TBXA2R: variants seen among roughly 807,000 people sequenced by gnomAD.
TBXA2R encodes prostanoid TP receptor.
Under a neutral mutation model 15.6 loss-of-function variants are expected in TBXA2R, and 15 were observed. That is an observed-to-expected ratio of 0.96 (90% confidence interval 0.64 to 1.48). The LOEUF is 1.48. Among genes scored for constraint, TBXA2R ranks in the 40% most tolerant of loss-of-function variants. TBXA2R has a pLI of 0.00. For missense variants in TBXA2R, 506 were observed against 491.4 expected (o/e 1.03, Z -0.28); for synonymous variants, 280 against 241.2 (o/e 1.16, Z -1.49).
Position 3,595,724 on chromosome 19 carries a change from G to C in TBXA2R, c.996C>G (p.Leu332=). ...RLSTRPRSLS[L]QPQLTQRSGL... ...CGGAGCGCTGCGTGAGCTGGGGCTG[G>C]AGGGACAGCGACCTGGGCCGGGTGC... is the stretch of plus-strand genomic sequence containing the variant. Residue 332 remains leucine, a synonymous_variant, in exon 3 of 3, where the codon CTC becomes CTG. Transcript: ENST00000375190. The C allele has an allele frequency of 6.2e-7, 1 of 1,600,022 alleles. No individual in the cohort carries two copies. The highest frequency in any genetic ancestry group is 8.5e-7 in the Non-Finnish European group (1 of 1,174,194).
At chr19:3,600,825 GGTTTT>G in intron 1 of TBXA2R, 108 bp from the exon 2 acceptor site, 2 of 453,194 alleles carry the variant, frequency 4.4e-6, no homozygotes, top group Admixed American at 4.0e-5. Flanking sequence ...TATCCTCTCC[GGTTTT>G]TTTTTTTTTT....
At chr19:3,598,862 G>T (rs1385397713) in intron 2 of TBXA2R, among the ~76,000 whole-genome samples, 1 of 151,966 alleles carries the variant, frequency 6.6e-6, no homozygotes, top group South Asian at 2.1e-4. Flanking sequence ...TAGAGACGGG[G>T]TTTCACCATG....
intron 1 of TBXA2R, among the ~76,000 whole-genome samples, chr19:3,605,961 G>C (rs1009691598): frequency 6.7e-6 from 1 of 150,258 alleles, no homozygotes; most frequent in Non-Finnish European, 1.5e-5. Flanking sequence ...GACACAGACA[G>C]AAAAACACAG....
At chr19:3,596,271 C>A (rs923786201) in intron 2 of TBXA2R, among the ~76,000 whole-genome samples, 2 of 152,136 alleles carry the variant, frequency 1.3e-5, no homozygotes, top group African/African-American at 4.8e-5. Flanking sequence ...CTCAGGTGAT[C>A]CACCAGCCTC....
chr19:3,603,686 G>A (rs558635214), intron 1 of TBXA2R, among the ~76,000 whole-genome samples: 49 of 152,296 alleles, frequency 3.2e-4, no homozygotes, highest in African/African-American at 1.0e-3. Flanking sequence ...TCACACCTCC[G>A]GTGGCTGGGA....
intron 1 of TBXA2R, among the ~76,000 whole-genome samples, chr19:3,604,203 G>T (rs993596039): frequency 6.6e-6 from 1 of 151,452 alleles, no homozygotes; most frequent in African/African-American, 2.4e-5. Context: ...GAATCTGCCT[G>T]GGTCCCGGGT....
rs372994525 is a variant in TBXA2R at position 3,599,983 on chromosome 19, T to C, written c.652A>G (p.Ser218Gly). 2 of 1,604,304 alleles carry C rather than the reference T, an allele frequency of 1.2e-6. No individual in the cohort carries two copies. Among genetic ancestry groups the C allele is most frequent in the East Asian group, 2.3e-5 (1 of 44,396 alleles). Residue 218 changes from serine (S) to glycine (G), a missense_variant, in exon 2 of 3, where the codon AGC becomes GGC. Transcript: ENST00000375190. ...TAGACGTGGCACAGGGTGGCCACGC[T>C]GACCGTGTTCAGCAGGAAGGACAGC... is the stretch of plus-strand genomic sequence containing the variant. ...VGLSFLLNTV[S>G]VATLCHVYHG...
chr19:3,595,293 C>G lies in TBXA2R; in HGVS notation c.*395G>C, dbSNP rs888478281. 13 of 1,166,030 alleles carry G rather than the reference C, an allele frequency of 1.1e-5. No individual in the cohort carries two copies. The highest frequency in any genetic ancestry group is 1.4e-5 in the Non-Finnish European group (13 of 896,964). 72.2% of individuals were successfully genotyped at this position (1,166,030 alleles called of 1,614,324 possible). A position where few individuals can be genotyped will look rare whatever the true frequency, so the allele number is the denominator to read the frequency against. ...ACTCAGGAGGCTGAGGCAGGAGAATCGCTTGAACCCGGGAGGTGGAGGTTG... is the reference window on the plus strand; with the variant it reads ...ACTCAGGAGGCTGAGGCAGGAGAATGGCTTGAACCCGGGAGGTGGAGGTTG... On this transcript the variant is annotated 3_prime_UTR_variant, in exon 3 of 3. Coordinates refer to ENST00000375190, the MANE Select transcript of TBXA2R (RefSeq NM_001060.6).
At chr19:3,604,067 G>A (rs538659594) in intron 1 of TBXA2R, among the ~76,000 whole-genome samples, 19 of 152,276 alleles carry the variant, frequency 1.2e-4, no homozygotes, top group East Asian at 5.8e-4. Context: ...TGCCCTCAGC[G>A]GGTTCAGGGT....
chr19:3,602,462 C>T (rs1252081523), intron 1 of TBXA2R, among the ~76,000 whole-genome samples: 1 of 150,462 alleles, frequency 6.6e-6, no homozygotes. Context: ...TACGGTCAGG[C>T]GTGGTGGCTC....
At chr19:3,604,825 C>T (rs1052786849) in intron 1 of TBXA2R, among the ~76,000 whole-genome samples, 2 of 152,132 alleles carry the variant, frequency 1.3e-5, no homozygotes, top group Non-Finnish European at 2.9e-5. Context: ...AGCAGGGAGC[C>T]CTGAGGCTCC....
At chr19:3,596,683 G>A (rs938839070) in intron 2 of TBXA2R, among the ~76,000 whole-genome samples, 8 of 148,848 alleles carry the variant, frequency 5.4e-5, no homozygotes, top group Non-Finnish European at 1.0e-4. Flanking sequence ...CTGGGTTTAC[G>A]CCATTCTCCT....
chr19:3,603,586 C>A lies in TBXA2R; in HGVS notation c.-83-2869G>T, dbSNP rs111496205. On this transcript the variant is annotated intron_variant, in intron 1 of 2. Transcript: ENST00000375190. ...CCTGCGGCCACTGACCCGACCTCTG[C>A]CTGGAGCAACTTCCAGTCCCTCCTG... Among the ~76,000 whole-genome samples the A allele has an allele frequency of 1.0e-3, 153 of 152,318 alleles. 1 individual carries two copies. Among genetic ancestry groups the A allele is most frequent in the African/African-American group, 3.6e-3 (150 of 41,558 alleles).
chr19:3,596,941 ATT>A (rs377397198), intron 2 of TBXA2R, among the ~76,000 whole-genome samples: 5 of 142,252 alleles, frequency 3.5e-5, no homozygotes, highest in African/African-American at 7.7e-5. Flanking sequence ...TTGATGGGAA[ATT>A]TTTTTTTTTT....
chr19:3,600,801 T>G, intron 1 of TBXA2R, 84 bp from the exon 2 acceptor site: 2 of 624,140 alleles, frequency 3.2e-6, no homozygotes, highest in Non-Finnish European at 5.5e-6. Context: ...CAACCTTCAA[T>G]GCCCCAGCTC....
intron 1 of TBXA2R, among the ~76,000 whole-genome samples, chr19:3,604,948 G>A (rs1026323322): frequency 6.6e-6 from 1 of 152,120 alleles, no homozygotes; most frequent in Non-Finnish European, 1.5e-5. Context: ...GCTCATGGGC[G>A]TGGACCCCCA....
intron 1 of TBXA2R, among the ~76,000 whole-genome samples, chr19:3,604,802 T>C (rs2032799997): frequency 6.6e-6 from 1 of 152,126 alleles, no homozygotes; most frequent in African/African-American, 2.4e-5. Flanking sequence ...CCCTACAAGG[T>C]GCCCGGGCAG....
At chr19:3,599,139 C>T (rs2032660057) in intron 2 of TBXA2R, among the ~76,000 whole-genome samples, 2 of 152,016 alleles carry the variant, frequency 1.3e-5, no homozygotes, top group African/African-American at 4.8e-5. Context: ...TTTTCTACGG[C>T]TGCTTTCTAT....
chr19:3,605,953 C>A (rs892213171), intron 1 of TBXA2R, among the ~76,000 whole-genome samples: 1 of 149,786 alleles, frequency 6.7e-6, no homozygotes. Flanking sequence ...ATGTGACAGA[C>A]ACAGACAGAA....
Sources: gnomAD v4.1 joint callset for allele counts (sites outside exome capture counted in the v4.1 genomes callset) on GRCh38, gnomAD v4.1.1 for gene constraint, MANE v1.5 for transcripts, NCBI Gene and HGNC (gene_info 2026-07-23, HGNC 2026-07-21) for gene names.